The following WDR5 variants were observed in gnomAD, a reference collection of about 807,000 sequenced individuals.
WDR5 encodes the protein WD repeat-containing protein 5.
For synonymous variants in WDR5, 144 were observed against 161.6 expected, an observed-to-expected ratio of 0.89 and a Z score of 0.83; for missense variants, 187 against 416.9, an observed-to-expected ratio of 0.45 and a Z score of 4.80.
At chr9:134,137,904 G>A (rs558723991) in intron 1 of WDR5, among the ~76,000 whole-genome samples, 2 of 152,054 alleles carry the variant, frequency 1.3e-5, no homozygotes, top group African/African-American at 4.8e-5. Flanking sequence ...CACCACACCC[G>A]GCTAATTTCT....
chr9:134,146,656 C>T (rs1280100814), intron 7 of WDR5, among the ~76,000 whole-genome samples: 4 of 152,160 alleles, frequency 2.6e-5, no homozygotes, highest in Non-Finnish European at 4.4e-5. Flanking sequence ...GCCATGTTTG[C>T]CAGTGGGTAG....
chr9:134,159,254 A>G lies in WDR5; in HGVS notation c.*1261A>G. The G allele has an allele frequency of 6.6e-6, 1 of 152,572 alleles. No individual in the cohort carries two copies. The highest frequency in any genetic ancestry group is 1.5e-5 in the Non-Finnish European group (1 of 68,248). The allele number at this position is 152,572 out of a possible 1,614,324, so 9.5% of individuals were successfully genotyped here. A position where few individuals can be genotyped will look rare whatever the true frequency, so the allele number is the denominator to read the frequency against. ...GTGGTGAGGGTTGCCACACACAGTGAGGGCGGAGCAGGGTGGCTGAGGGCA... is the reference window on the plus strand; with the variant it reads ...GTGGTGAGGGTTGCCACACACAGTGGGGGCGGAGCAGGGTGGCTGAGGGCA... On this transcript the variant is annotated 3_prime_UTR_variant, in exon 14 of 14. Coordinates refer to ENST00000358625, the MANE Select transcript of WDR5 (RefSeq NM_017588.3). This position sits in a 1 kb window ranked among gnomAD's most constrained non-coding sequence, Gnocchi z 4.3.
rs1163048122 is a variant in WDR5, at chr9:134,142,222, A to G, written c.355-111A>G. 7.1e-6 allele frequency: 9 copies of G among 1,274,000 alleles called. No homozygotes were observed. The Admixed American group carries it at 1.3e-4, about 19-fold the overall frequency. The allele number at this position is 1,274,000 out of a possible 1,614,324, so 78.9% of individuals were successfully genotyped here. On this transcript the variant is annotated intron_variant, in intron 5 of 13. Coordinates refer to ENST00000358625, the MANE Select transcript of WDR5 (RefSeq NM_017588.3). ...AGTTGACTTCGGGGAACAGCAAGTC[A>G]CTGGCGGGGCATCAGGCATGCTTTG... is the stretch of plus-strand genomic sequence containing the variant.
Position 134,157,098 on chromosome 9 carries a change from C to T in WDR5, c.904+505C>T, listed in dbSNP as rs190592032. Among the ~76,000 whole-genome samples, 56 of 152,298 alleles carry T rather than the reference C, an allele frequency of 3.7e-4. No individual in the cohort carries two copies. The East Asian group carries it at 5.6e-3, about 15-fold the overall frequency. On this transcript the variant is annotated intron_variant, in intron 13 of 13. Coordinates refer to ENST00000358625, the MANE Select transcript of WDR5 (RefSeq NM_017588.3). This position sits in a 1 kb window ranked among gnomAD's most constrained non-coding sequence, Gnocchi z 5.0. ...GGTCCCGGCTGCCCTCTGCAGCCGC[C>T]GCTACTTCCTCACCCTCTGGCCCTG... is the stretch of plus-strand genomic sequence containing the variant.
intron 8 of WDR5, 141 bp downstream of exon 8, chr9:134,148,484 C>A: frequency 1.4e-6 from 1 of 721,512 alleles, no homozygotes; most frequent in Non-Finnish European, 2.3e-6. Context: ...GGCCACGCTG[C>A]AGACATGTTA....
In WDR5 at chr9:134,143,828, T is replaced by TA. The variant is rs201310780; in HGVS notation, c.528+1125dup. On this transcript the variant is annotated intron_variant, in intron 7 of 13. Transcript: ENST00000358625. ...CTGCGCCCGGCCAAAACTCTGTCTT[T>TA]AAAAAAAAAAAAAAAATCAAGAACA... Among the ~76,000 whole-genome samples, 491 of 146,712 alleles carry TA rather than the reference T, an allele frequency of 3.3e-3. 5 individuals are homozygous for TA. Among genetic ancestry groups the TA allele is most frequent in the African/African-American group, 0.011 (417 of 39,340 alleles).
At chr9:134,140,046 T>G (rs1280647964) in intron 2 of WDR5, 88 bp downstream of exon 2, 1 of 1,449,064 alleles carries the variant, frequency 6.9e-7, no homozygotes, top group African/African-American at 1.4e-5. Context: ...AAGCCTAGTC[T>G]TCCCTACTCA....
intron 2 of WDR5, 137 bp from the exon 3 acceptor site, chr9:134,140,566 G>T: frequency 1.3e-6 from 1 of 750,428 alleles, no homozygotes; most frequent in Non-Finnish European, 2.4e-6. Flanking sequence ...CATAGAGATT[G>T]GTGGAAGGCA....
chr9:134,145,680 C>A (rs1832155076), intron 7 of WDR5, among the ~76,000 whole-genome samples: 1 of 152,242 alleles, frequency 6.6e-6, no homozygotes, highest in Non-Finnish European at 1.5e-5. Flanking sequence ...CTCACTGCCT[C>A]CCATCCCTGT....
Position 134,140,712 on chromosome 9 carries a change from G to A in WDR5, c.91G>A (p.Val31Met), listed in dbSNP as rs771235092. The change falls in exon 3 of 14, where the codon GTG becomes ATG. Residue 31 changes from valine (V) to methionine (M), a missense_variant. Val to Met is a conservative substitution (Grantham distance 21). Transcript: ENST00000358625. ...SSATQSKPTP[V>M]KPNYALKFTL... Reference sequence around the variant, plus strand: ...CTGGTCTTTCCTGCAGCCTACACCTGTGAAGCCAAACTATGCTCTAAAGTT... The same window carrying A: ...CTGGTCTTTCCTGCAGCCTACACCTATGAAGCCAAACTATGCTCTAAAGTT... 6.2e-7 allele frequency: 1 copy of A among 1,614,204 alleles called. No individual in the cohort carries two copies. Among genetic ancestry groups the A allele is most frequent in the Non-Finnish European group, 8.5e-7 (1 of 1,180,022 alleles).
chr9:134,146,181 A>G (rs1412331052), intron 7 of WDR5, among the ~76,000 whole-genome samples: 1 of 148,768 alleles, frequency 6.7e-6, no homozygotes, highest in African/African-American at 2.5e-5. Flanking sequence ...GTTAGCCGGG[A>G]TGGTCTCGAT....
Position 134,157,243 on chromosome 9 carries a change from G to A in WDR5, c.904+650G>A, listed in dbSNP as rs1454190647. Among the ~76,000 whole-genome samples, 5 of 152,224 alleles carry A rather than the reference G, an allele frequency of 3.3e-5. No homozygotes were observed. Among genetic ancestry groups the A allele is most frequent in the African/African-American group, 9.6e-5 (4 of 41,468 alleles). On this transcript the variant is annotated intron_variant, in intron 13 of 13. Transcript: ENST00000358625. The surrounding 1 kb of genome is among the most constrained non-coding windows in gnomAD (Gnocchi z 5.0). ...CACCCAGCCTGGGGTCAGTGCTTAC[G>A]CTCCACGGCGGGCCTGGGCCTTCCC...
intron 1 of WDR5, 123 bp downstream of exon 1, chr9:134,136,323 C>G (rs1187871424): frequency 6.7e-6 from 1 of 150,196 alleles, no homozygotes; most frequent in African/African-American, 2.4e-5. Flanking sequence ...GGCCCAGCCC[C>G]GGGCGCTGCT....
At chr9:134,148,689 GCT>G (rs1356557660) in intron 8 of WDR5, among the ~76,000 whole-genome samples, 1 of 152,170 alleles carries the variant, frequency 6.6e-6, no homozygotes, top group Non-Finnish European at 1.5e-5. Context: ...AAGCTGTGCT[GCT>G]CTGGGAGGAT....
rs1196570083 is a variant in WDR5 at position 134,136,207 on chromosome 9, G to T, written c.-59+7G>T. ...CGCCGCCGCGGCCCGGCAGGTAAGCGGGCAGCCGCCCGGCCCGGGGAACAC... is the reference window on the plus strand; with the variant it reads ...CGCCGCCGCGGCCCGGCAGGTAAGCTGGCAGCCGCCCGGCCCGGGGAACAC... On this transcript the variant is annotated splice_region_variant and intron_variant, in intron 1 of 13. Coordinates refer to ENST00000358625, the MANE Select transcript of WDR5 (RefSeq NM_017588.3). 6.8e-6 allele frequency: 1 copy of T among 147,844 alleles called. No homozygotes were observed. Among genetic ancestry groups the T allele is most frequent in the African/African-American group, 2.4e-5 (1 of 40,954 alleles). 9.2% of individuals were successfully genotyped at this position (147,844 alleles called of 1,614,324 possible).
At chr9:134,141,718 T>G in intron 4 of WDR5, 135 bp downstream of exon 4, 1 of 1,021,822 alleles carries the variant, frequency 9.8e-7, no homozygotes, top group Admixed American at 2.7e-5. Flanking sequence ...TATAGTTATT[T>G]GCATCTTGAA....
At chr9:134,142,593 C>T (rs1039473201) in intron 6 of WDR5, 43 bp from the exon 7 acceptor site, 3 of 1,609,256 alleles carry the variant, frequency 1.9e-6, no homozygotes, top group African/African-American at 2.7e-5. Context: ...AGGTTTGTCC[C>T]CTCTCCTTCC....
In WDR5 at chr9:134,143,667, A is replaced by G. The variant is rs565707842; in HGVS notation, c.528+948A>G. 3.1e-3 allele frequency among the ~76,000 whole-genome samples: 464 copies of G among 151,902 alleles called. 4 individuals are homozygous for G. Among genetic ancestry groups the G allele is most frequent in the African/African-American group, 0.01 (434 of 41,488 alleles). On this transcript the variant is annotated intron_variant, in intron 7 of 13. Coordinates refer to ENST00000358625, the MANE Select transcript of WDR5 (RefSeq NM_017588.3). Reference sequence around the variant, plus strand: ...TCAGCCTCTCCGAGTAGTTGAGACTACAGGCGCCCACCACCATGCCTGGCT... The same window carrying G: ...TCAGCCTCTCCGAGTAGTTGAGACTGCAGGCGCCCACCACCATGCCTGGCT...
At chr9:134,140,515 G>T (rs1831830620) in intron 2 of WDR5, among the ~76,000 whole-genome samples, 188 bp from the exon 3 acceptor site, 1 of 152,174 alleles carries the variant, frequency 6.6e-6, no homozygotes, top group Non-Finnish European at 1.5e-5. Context: ...GGAAGTAGTG[G>T]GCTCAGATTC....
Sources: allele counts gnomAD v4.1 joint callset (sites outside exome capture counted in the v4.1 genomes callset), GRCh38; gene constraint gnomAD v4.1.1; non-coding constraint Gnocchi (gnomAD v3.1); transcripts MANE v1.5; gene names NCBI Gene and HGNC (gene_info 2026-07-23, HGNC 2026-07-21).